NCBP3: variants seen among roughly 807,000 people sequenced by gnomAD.
The protein encoded by NCBP3 is nuclear cap binding subunit 3, also known as nuclear cap-binding protein subunit 3.
A neutral mutation model predicts 75.7 loss-of-function variants in NCBP3; 20 were observed. The ratio of observed to expected loss-of-function variants is 0.26; its 90% CI spans 0.19 to 0.38. The LOEUF is 0.38. Ranked by LOEUF, NCBP3 falls within the 10% of genes least tolerant of loss-of-function variation. The probability of loss-of-function intolerance (pLI) is 1.00; values close to 1 mark genes in which losing one functional copy is unlikely to be tolerated. For missense variants in NCBP3, 678 were observed against 796.9 expected (o/e 0.85, Z 1.80); for synonymous variants, 293 against 290.5 (o/e 1.01, Z -0.09).
At position 3,814,514 on chromosome 17, in the gene NCBP3, CGT is replaced by C. The variant is rs757150930; in HGVS notation, c.1466-33_1466-32del. The C allele has an allele frequency of 4.3e-6, 7 of 1,610,456 alleles. No homozygotes were observed. In the East Asian group the frequency reaches 1.1e-4, roughly 26 times the overall value. On this transcript the variant is annotated intron_variant, in intron 11 of 12. Coordinates refer to ENST00000389005, the MANE Select transcript of NCBP3 (RefSeq NM_001114118.3). The stretch of plus-strand genomic sequence containing the variant: ...AAAAGAGAAAAAGTGCACCAGTGAC[CGT>C]GTGTGTGCTTTATGCTCGGCACCAG...
At chr17:3,844,236 C>T (rs988985660) in intron 1 of NCBP3, among the ~76,000 whole-genome samples, 3 of 152,172 alleles carry the variant, frequency 2.0e-5, no homozygotes, top group Non-Finnish European at 4.4e-5. Flanking sequence ...AGGACTGAAG[C>T]CTCAGCTCTG....
rs1251714361 is a variant in NCBP3 at position 3,826,069 on chromosome 17, C to T, written c.610+18G>A. The T allele has an allele frequency of 6.5e-7, 1 of 1,548,356 alleles. No homozygotes were observed. Among genetic ancestry groups the T allele is most frequent in the South Asian group, 1.2e-5 (1 of 83,728 alleles). On this transcript the variant is annotated intron_variant, in intron 5 of 12. Coordinates refer to ENST00000389005, the MANE Select transcript of NCBP3 (RefSeq NM_001114118.3). ...GAAGAGGACTTTCAGACCCCAGTTCCCTCCTTTGTGTTGTTACCTTTTTTC... is the reference window on the plus strand; with the variant it reads ...GAAGAGGACTTTCAGACCCCAGTTCTCTCCTTTGTGTTGTTACCTTTTTTC...
rs892072978 is a variant in NCBP3 at position 3,810,195 on chromosome 17, C to G, written c.*2849G>C. ...TGGTAACAACAACAAAGGTTCATCCCGCTGCAGTGTGCAGAATGGAGACAG... is the reference window on the plus strand; with the variant it reads ...TGGTAACAACAACAAAGGTTCATCCGGCTGCAGTGTGCAGAATGGAGACAG... On this transcript the variant is annotated 3_prime_UTR_variant, in exon 13 of 13. Coordinates refer to ENST00000389005, the MANE Select transcript of NCBP3 (RefSeq NM_001114118.3). The G allele has an allele frequency of 2.0e-5, 3 of 152,210 alleles. No individual in the cohort carries two copies. The highest frequency in any genetic ancestry group is 7.2e-5 in the African/African-American group (3 of 41,442). The allele number at this position is 152,210 out of a possible 1,614,324, so 9.4% of individuals were successfully genotyped here. A position where few individuals can be genotyped will look rare whatever the true frequency, so the allele number is the denominator to read the frequency against.
chr17:3,825,955 CTGA>C, intron 5 of NCBP3, 112 bp from the exon 6 acceptor site: 1 of 1,407,612 alleles, frequency 7.1e-7, no homozygotes. Context: ...CTCCTATTTC[CTGA>C]TGATCTCAAG....
chr17:3,831,522 A>G (rs76161904), intron 3 of NCBP3, among the ~76,000 whole-genome samples: 16,318 of 98,756 alleles, frequency 0.17, 2,966 homozygotes, highest in East Asian at 0.33. Context: ...GCAGTGAGCC[A>G]AAATCGCGCC....
At position 3,812,911 on chromosome 17, in the gene NCBP3, T is replaced by C. The variant is rs1190309229; in HGVS notation, c.*133A>G. ...ACATTCTTAAGATGTCTTGCCGAAG[T>C]AGCAAGAGCGGAGGGTGACTGTGTG... On this transcript the variant is annotated 3_prime_UTR_variant, in exon 13 of 13. Transcript: ENST00000389005. 6 of 1,483,078 alleles carry C rather than the reference T, an allele frequency of 4.0e-6. No homozygotes were observed. In the African/African-American group the frequency reaches 8.5e-5, roughly 21 times the overall value. The allele number at this position is 1,483,078 out of a possible 1,614,324, so 91.9% of individuals were successfully genotyped here. A position where few individuals can be genotyped will look rare whatever the true frequency, so the allele number is the denominator to read the frequency against.
At position 3,806,575 on chromosome 17, in the gene NCBP3, C is replaced by T. The variant is rs1044433362; in HGVS notation, c.*6469G>A. 1 of 152,024 alleles carries T rather than the reference C, an allele frequency of 6.6e-6. No homozygotes were observed. Among genetic ancestry groups the T allele is most frequent in the East Asian group, 1.9e-4 (1 of 5,178 alleles). 9.4% of individuals were successfully genotyped at this position (152,024 alleles called of 1,614,324 possible). A position where few individuals can be genotyped will look rare whatever the true frequency, so the allele number is the denominator to read the frequency against. On this transcript the variant is annotated 3_prime_UTR_variant, in exon 13 of 13. Coordinates refer to ENST00000389005, the MANE Select transcript of NCBP3 (RefSeq NM_001114118.3). ...GTACTGACCTTGGTAGGTGAAATAC[C>T]GCCTATACTCTCAAGTTTTATGGAT...
chr17:3,816,718 T>C (rs940699566), intron 10 of NCBP3, among the ~76,000 whole-genome samples: 1 of 152,232 alleles, frequency 6.6e-6, no homozygotes, highest in African/African-American at 2.4e-5. Context: ...TCCGGCAGCA[T>C]TCTCTACCAG....
At chr17:3,814,528 A>G (rs1287998433) in intron 11 of NCBP3, 45 bp from the exon 12 acceptor site, 3 of 1,603,802 alleles carry the variant, frequency 1.9e-6, no homozygotes, top group Non-Finnish European at 2.6e-6. Flanking sequence ...TGTGTGCTTT[A>G]TGCTCGGCAC....
intron 12 of NCBP3, 91 bp downstream of exon 12, chr17:3,814,231 T>C: frequency 7.3e-7 from 1 of 1,374,992 alleles, no homozygotes; most frequent in Non-Finnish European, 1.0e-6. Context: ...GGCTGTTTCT[T>C]GCCTTCTGCT....
In NCBP3 at chr17:3,821,310, G is replaced by C; in HGVS notation, c.939C>G (p.Ile313Met). 1 of 1,614,080 alleles carries C rather than the reference G, an allele frequency of 6.2e-7. No homozygotes were observed. The highest frequency in any genetic ancestry group is 8.5e-7 in the Non-Finnish European group (1 of 1,179,966). ...YHSRRIQRDV[I>M]KKRALIGDDV... Reference sequence around the variant, plus strand: ...CATCCCCAATCAGGGCTCTCTTCTTGATCACGTCCCGCTGAATACGACGGG... The same window carrying C: ...CATCCCCAATCAGGGCTCTCTTCTTCATCACGTCCCGCTGAATACGACGGG... Residue 313 changes from isoleucine to methionine, a missense_variant, in exon 9 of 13, where the codon ATC becomes ATG. Physicochemically the swap from Ile to Met is conservative, Grantham distance 10 (BLOSUM62 1). Transcript: ENST00000389005.
rs922295290 is a variant in NCBP3 at position 3,813,040 on chromosome 17, G to A, written c.*4C>T. Reference sequence around the variant, plus strand: ...TAGGGCAGCTGCCATAGGCCCCAGGGGCATCAGGACTCTGCCTCTGAACCA... The same window carrying A: ...TAGGGCAGCTGCCATAGGCCCCAGGAGCATCAGGACTCTGCCTCTGAACCA... On this transcript the variant is annotated 3_prime_UTR_variant, in exon 13 of 13. Coordinates refer to ENST00000389005, the MANE Select transcript of NCBP3 (RefSeq NM_001114118.3). 8 of 1,613,980 alleles carry A rather than the reference G, an allele frequency of 5.0e-6. No homozygotes were observed. The highest frequency in any genetic ancestry group is 4.2e-6 in the Non-Finnish European group (5 of 1,180,000).
Position 3,808,404 on chromosome 17 carries a change from TGA to T in NCBP3, c.*4638_*4639del, listed in dbSNP as rs1393531383. 1 of 152,208 alleles carries T rather than the reference TGA, an allele frequency of 6.6e-6. No homozygotes were observed. The highest frequency in any genetic ancestry group is 2.4e-5 in the African/African-American group (1 of 41,444). 9.4% of individuals were successfully genotyped at this position (152,208 alleles called of 1,614,324 possible). A position where few individuals can be genotyped will look rare whatever the true frequency, so the allele number is the denominator to read the frequency against. On this transcript the variant is annotated 3_prime_UTR_variant, in exon 13 of 13. Transcript: ENST00000389005. ...CTTAGAACTGAATCCTGGAGAGAGC[TGA>T]GACTCTTCTGTGGCAGTACCATGGG...
intron 3 of NCBP3, among the ~76,000 whole-genome samples, chr17:3,835,129 C>T (rs993149781): frequency 5.3e-5 from 8 of 152,100 alleles, no homozygotes; most frequent in Non-Finnish European, 7.4e-5. Flanking sequence ...GGTAGAGTTA[C>T]GATGAAAATG....
chr17:3,807,597 A>G lies in NCBP3; in HGVS notation c.*5447T>C, dbSNP rs1373577822. On this transcript the variant is annotated 3_prime_UTR_variant, in exon 13 of 13. Coordinates refer to ENST00000389005, the MANE Select transcript of NCBP3 (RefSeq NM_001114118.3). ...GCTGGCCTGATGAAAGGATACAGAG[A>G]TAACACCACAAAGAAACTTGCTCAT... 6.6e-6 allele frequency: 1 copy of G among 152,254 alleles called. No individual in the cohort carries two copies. The highest frequency in any genetic ancestry group is 1.5e-5 in the Non-Finnish European group (1 of 68,052). The allele number at this position is 152,254 out of a possible 1,614,324, so 9.4% of individuals were successfully genotyped here.
In NCBP3 at chr17:3,829,301, G is replaced by A; in HGVS notation, c.423C>T (p.Val141=). 1.3e-6 allele frequency: 2 copies of A among 1,551,666 alleles called. No homozygotes were observed. The highest frequency in any genetic ancestry group is 1.7e-6 in the Non-Finnish European group (2 of 1,146,958). ...CGVDEMSTQD[V]FSYFKEYPPA... is the part of the protein sequence containing the mutation. ...GAGGATATTCTTTAAAATAGGAAAAGACATCTTGGGTGCTCATCTCATCTA... is the reference window on the plus strand; with the variant it reads ...GAGGATATTCTTTAAAATAGGAAAAAACATCTTGGGTGCTCATCTCATCTA... Residue 141 remains valine, a synonymous_variant, in exon 4 of 13, where the codon GTC becomes GTT. Transcript: ENST00000389005.
intron 2 of NCBP3, among the ~76,000 whole-genome samples, chr17:3,841,431 C>T (rs918962210): frequency 1.3e-5 from 2 of 152,112 alleles, no homozygotes; most frequent in Non-Finnish European, 2.9e-5. Context: ...AACAATTTAC[C>T]TTCCTTTAGA....
Position 3,846,123 on chromosome 17 carries a change from C to T in NCBP3, c.101G>A (p.Arg34His). The T allele has an allele frequency of 6.5e-7, 1 of 1,547,052 alleles. No individual in the cohort carries two copies. The highest frequency in any genetic ancestry group is 8.7e-7 in the Non-Finnish European group (1 of 1,145,202). ...PSPEAESGVD[R>H]GEPEPMEVEE... ...CACCTCCATGGGCTCCGGCTCGCCA[C>T]GGTCAACACCGGACTCCGCCTCAGG... is the stretch of plus-strand genomic sequence containing the variant. The change falls in exon 1 of 13, where the codon CGT becomes CAT. Residue 34 changes from arginine (R) to histidine (H), a missense_variant. Physicochemically the swap from Arg to His is conservative, Grantham distance 29. Coordinates refer to ENST00000389005, the MANE Select transcript of NCBP3 (RefSeq NM_001114118.3). This position sits in a 1 kb window ranked among gnomAD's most constrained non-coding sequence, Gnocchi z 4.6.
At chr17:3,830,619 C>T (rs6502749) in intron 3 of NCBP3, among the ~76,000 whole-genome samples, 63,906 of 152,088 alleles carry the variant, frequency 0.42, 14,232 homozygotes, top group East Asian at 0.61. Context: ...GATGGAGTCT[C>T]GCTCTGTCGC....
Sources: gnomAD v4.1 joint callset for allele counts (sites outside exome capture counted in the v4.1 genomes callset) on GRCh38, gnomAD v4.1.1 for gene constraint, Gnocchi (gnomAD v3.1) non-coding constraint, MANE v1.5 for transcripts, NCBI Gene and HGNC (gene_info 2026-07-23, HGNC 2026-07-21) for gene names.